PLPP1: variants seen among roughly 807,000 people sequenced by gnomAD.
PLPP1 encodes the protein lipid phosphate phosphohydrolase 1a.
PLPP1 carries 24 observed loss-of-function variants against 31.2 expected under a neutral mutation model. The observed-to-expected ratio is 0.77, with a 90% CI of 0.56 to 1.08. The LOEUF (loss-of-function observed/expected upper bound fraction) is 1.08. Among genes scored for constraint, PLPP1 ranks in the 50% least tolerant of loss-of-function variants. The pLI, the probability that PLPP1 is intolerant of heterozygous loss-of-function variation, is 0.00. For missense variants in PLPP1, 319 were observed against 342.7 expected, an observed-to-expected ratio of 0.93 and a Z score of 0.55; for synonymous variants, 146 against 126.3, an observed-to-expected ratio of 1.16 and a Z score of -1.05.
At chr5:55,446,297 G>A (rs1010365866) in intron 3 of PLPP1, among the ~76,000 whole-genome samples, 1 of 152,092 alleles carries the variant, frequency 6.6e-6, no homozygotes, top group African/African-American at 2.4e-5. Flanking sequence ...CTCTTTAGGT[G>A]TATCTTTCAT....
At chr5:55,483,580 A>G (rs529183135) in intron 1 of PLPP1, among the ~76,000 whole-genome samples, 110 of 151,704 alleles carry the variant, frequency 7.3e-4, no homozygotes, top group African/African-American at 2.6e-3. Context: ...GCTGAGGCAC[A>G]AGAATTGCTT....
intron 1 of PLPP1, among the ~76,000 whole-genome samples, chr5:55,507,145 C>T (rs1388609426): frequency 2.0e-5 from 3 of 152,120 alleles, no homozygotes; most frequent in East Asian, 3.9e-4. Context: ...GAAAGTCATT[C>T]AAAATTTTAC....
intron 4 of PLPP1, among the ~76,000 whole-genome samples, chr5:55,429,729 C>G (rs991919007): frequency 1.4e-4 from 22 of 152,212 alleles, no homozygotes; most frequent in African/African-American, 4.3e-4. Flanking sequence ...ATTAAAGTCC[C>G]CCACCCACAG....
chr5:55,450,023 A>G (rs1751859532), intron 3 of PLPP1, among the ~76,000 whole-genome samples: 2 of 152,184 alleles, frequency 1.3e-5, no homozygotes, highest in Non-Finnish European at 2.9e-5. Context: ...AGAAAGTGAG[A>G]AATTGTTTCA....
At chr5:55,440,186 AAC>A (rs1751590537) in intron 4 of PLPP1, among the ~76,000 whole-genome samples, 1 of 152,248 alleles carries the variant, frequency 6.6e-6, no homozygotes, top group Non-Finnish European at 1.5e-5. Flanking sequence ...CTTGGACACT[AAC>A]ACAGACAGGT....
At chr5:55,448,449 CT>C (rs11414425) in intron 3 of PLPP1, among the ~76,000 whole-genome samples, 43 of 128,198 alleles carry the variant, frequency 3.4e-4, no homozygotes, top group Middle Eastern at 4.0e-3. Context: ...ATTCTAGCAC[CT>C]TTTTTTTTTT....
At chr5:55,473,428 C>T (rs1019828997) in intron 2 of PLPP1, among the ~76,000 whole-genome samples, 1 of 152,112 alleles carries the variant, frequency 6.6e-6, no homozygotes, top group Non-Finnish European at 1.5e-5. Context: ...TCTTATAAAA[C>T]AAATATCTAT....
chr5:55,521,463 A>G (rs1753666009), intron 1 of PLPP1, among the ~76,000 whole-genome samples: 1 of 151,360 alleles, frequency 6.6e-6, no homozygotes, highest in African/African-American at 2.5e-5. Flanking sequence ...GGCTGCAGTG[A>G]GCTGTGATCA....
intron 3 of PLPP1, among the ~76,000 whole-genome samples, chr5:55,458,748 C>T (rs951152807): frequency 4.8e-4 from 73 of 151,730 alleles, no homozygotes; most frequent in Admixed American, 2.4e-3. Context: ...ATTAATTGGG[C>T]GTGGTGGCGC....
At position 55,508,943 on chromosome 5, in the gene PLPP1, A is replaced by T. The variant is rs938391156; in HGVS notation, c.58+25629T>A. 2.6e-5 allele frequency: 4 copies of T among 154,202 alleles called. No individual in the cohort carries two copies. In the Admixed American group the frequency reaches 2.6e-4, roughly 10 times the overall value. The allele number at this position is 154,202 out of a possible 1,614,324, so 9.6% of individuals were successfully genotyped here. On this transcript the variant is annotated intron_variant, in intron 1 of 5. Coordinates refer to ENST00000307259, the MANE Select transcript of PLPP1 (RefSeq NM_003711.4). Reference sequence around the variant, plus strand: ...TAAGTGAGGAGAGCAGAGAACAACTAGAGCTTTTAATAGAGTAGAAAAAAA... The same window carrying T: ...TAAGTGAGGAGAGCAGAGAACAACTTGAGCTTTTAATAGAGTAGAAAAAAA...
At chr5:55,503,901 AGGGGGGAGGAAGG>A (rs1334234605) in intron 1 of PLPP1, among the ~76,000 whole-genome samples, 10 of 12,404 alleles carry the variant, frequency 8.1e-4, no homozygotes, top group Non-Finnish European at 1.3e-3. Flanking sequence ...GAGGAAGTAG[AGGGGGGAGGAAGG>A]GGGGGGAGGA....
At chr5:55,426,165 A>T (rs1751189718) in intron 4 of PLPP1, 126 bp from the exon 5 acceptor site, 4 of 812,038 alleles carry the variant, frequency 4.9e-6, no homozygotes, top group South Asian at 4.4e-5. Context: ...ACTTCTAGGC[A>T]AACATTCACG....
At chr5:55,456,420 A>G (rs1752011336) in intron 3 of PLPP1, among the ~76,000 whole-genome samples, 1 of 152,208 alleles carries the variant, frequency 6.6e-6, no homozygotes, top group South Asian at 2.1e-4. Context: ...TACAGTCAAC[A>G]AAAATGACTC....
intron 4 of PLPP1, among the ~76,000 whole-genome samples, chr5:55,436,601 G>A (rs1751498752): frequency 6.6e-6 from 1 of 152,156 alleles, no homozygotes; most frequent in African/African-American, 2.4e-5. Flanking sequence ...TCCAAAACGT[G>A]TGGCTCCGCT....
rs376458985 is a variant in PLPP1, at chr5:55,451,256, C to CA, written c.492-9349dup. On this transcript the variant is annotated intron_variant, in intron 3 of 5. Transcript: ENST00000307259. ...GCTACACAGTGAGACCCTGTCTCTA[C>CA]AAAAAAAATTTGTTTTAATTAGGCA... Among the ~76,000 whole-genome samples the CA allele has an allele frequency of 1.4e-3, 207 of 151,904 alleles. 2 individuals carry two copies. The Middle Eastern group carries it at 0.024, about 17-fold the overall frequency.
chr5:55,462,870 G>A (rs1222105392), intron 3 of PLPP1, among the ~76,000 whole-genome samples: 1 of 152,016 alleles, frequency 6.6e-6, no homozygotes, highest in Non-Finnish European at 1.5e-5. Flanking sequence ...CTACTCAAGA[G>A]GCTCAGGCAG....
At chr5:55,425,520 T>C (rs1751159754) in intron 5 of PLPP1, 186 bp from the exon 6 acceptor site, 2 of 541,722 alleles carry the variant, frequency 3.7e-6, no homozygotes, top group Non-Finnish European at 6.0e-6. Flanking sequence ...AAGAGTTGCT[T>C]TGTTATGCCT....
rs187338449 is a variant in PLPP1, at chr5:55,446,711, T to A, written c.492-4803A>T. Among the ~76,000 whole-genome samples the A allele has an allele frequency of 5.9e-5, 9 of 152,330 alleles. No homozygotes were observed. In the East Asian group the frequency reaches 1.7e-3, roughly 29 times the overall value. On this transcript the variant is annotated intron_variant, in intron 3 of 5. Coordinates refer to ENST00000307259, the MANE Select transcript of PLPP1 (RefSeq NM_003711.4). ...CAATACACTTTAAACTTCAAGCTTT[T>A]TTTCCTTTTCCTTCCTAAACCAAAT...
intron 1 of PLPP1, among the ~76,000 whole-genome samples, chr5:55,482,848 C>T (rs539207802): frequency 6.6e-6 from 1 of 152,172 alleles, no homozygotes; most frequent in African/African-American, 2.4e-5. Context: ...TTTCTTATTA[C>T]CATTTAAGTA....
Sources: gnomAD v4.1 joint callset for allele counts (sites outside exome capture counted in the v4.1 genomes callset) on GRCh38, gnomAD v4.1.1 for gene constraint, MANE v1.5 for transcripts, NCBI Gene and HGNC (gene_info 2026-07-23, HGNC 2026-07-21) for gene names.